The following CNOT3 variants were observed in gnomAD, a reference collection of about 807,000 sequenced individuals.
The protein encoded by CNOT3 is CCR4-associated factor 3.
A neutral mutation model predicts 89.4 loss-of-function variants in CNOT3; 2 were observed. The observed-to-expected ratio is 0.02, with a 90% CI of 0.01 to 0.07. The LOEUF (loss-of-function observed/expected upper bound fraction) is 0.07, where lower values mean the gene tolerates loss of function less well. CNOT3 is among the 10% of genes least tolerant of loss of function. CNOT3 has a pLI of 1.00. For synonymous variants in CNOT3, 486 were observed against 402.0 expected (o/e 1.21, Z -2.50); for missense variants, 664 against 1,010.2 (o/e 0.66, Z 4.65).
At chr19:54,153,156 A>G (rs2075222357) in intron 16 of CNOT3, 157 bp downstream of exon 16, 1 of 766,354 alleles carries the variant, frequency 1.3e-6, no homozygotes, top group Non-Finnish European at 2.4e-6. Context: ...CCCCAAATCC[A>G]CCTGTCCCCG....
At chr19:54,152,706 G>C in intron 15 of CNOT3, 80 bp downstream of exon 15, 1 of 1,265,260 alleles carries the variant, frequency 7.9e-7, no homozygotes. Context: ...TGAGGCTGTG[G>C]GTAGAGCACC....
intron 13 of CNOT3, 31 bp from the exon 14 acceptor site, chr19:54,152,195 G>A: frequency 6.2e-7 from 1 of 1,611,550 alleles, no homozygotes; most frequent in Non-Finnish European, 8.5e-7. Flanking sequence ...CAGCCCAAGT[G>A]CTCAGGCCAG....
chr19:54,140,542 G>C (rs1332003067), intron 1 of CNOT3, among the ~76,000 whole-genome samples: 15 of 152,122 alleles, frequency 9.9e-5, no homozygotes, highest in African/African-American at 3.6e-4. Flanking sequence ...TTGCTGGGGG[G>C]ACCAGAGGTA....
chr19:54,152,231 T>G lies in CNOT3; in HGVS notation c.1611T>G (p.Pro537=). ...GCCTCTTGTTTCCTCCCCAGGCCCC[T>G]GAGCCTCTGAGCTCCTTGAAGTCCA... is the stretch of plus-strand genomic sequence containing the variant. The part of the protein sequence containing the change: ...QFSTAPEIKA[P]EPLSSLKSMA... Residue 537 remains proline (P), a synonymous_variant, in exon 14 of 18, where the codon CCT becomes CCG. Transcript: ENST00000221232. 18 of 1,614,150 alleles carry G rather than the reference T, an allele frequency of 1.1e-5. No homozygotes were observed. The highest frequency in any genetic ancestry group is 1.5e-5 in the Non-Finnish European group (18 of 1,180,010).
intron 17 of CNOT3, chr19:54,154,103 C>T: frequency 1.5e-6 from 1 of 674,562 alleles, no homozygotes; most frequent in Admixed American, 2.1e-5. Context: ...AGCCACCCAG[C>T]CCAGTGCCTC....
At chr19:54,150,597 GCGCC>G (rs2075027251) in intron 13 of CNOT3, among the ~76,000 whole-genome samples, 2 of 108,226 alleles carry the variant, frequency 1.8e-5, no homozygotes, top group African/African-American at 3.7e-5. Flanking sequence ...GGCAGTGTGC[GCGCC>G]CAGGCTGTCC....
At chr19:54,147,284 C>T (rs1383563028) in intron 10 of CNOT3, among the ~76,000 whole-genome samples, 1 of 152,194 alleles carries the variant, frequency 6.6e-6, no homozygotes, top group Non-Finnish European at 1.5e-5. Flanking sequence ...GGGCCTGAGG[C>T]CCCTCTGTGG....
rs761121196 is a variant in CNOT3 at position 54,153,904 on chromosome 19, AGCCCCTGCTG to A, written c.2163+68_2163+77del. On this transcript the variant is annotated intron_variant, in intron 17 of 17. Transcript: ENST00000221232. Reference sequence around the variant, plus strand: ...GGGGTAGAGTCCCCAGGCTCCAGGCAGCCCCTGCTGGCCTCTGCTCCCTTGCCTCCACCTT... The same window carrying A: ...GGGGTAGAGTCCCCAGGCTCCAGGCAGCCTCTGCTCCCTTGCCTCCACCTT... 4 of 1,608,750 alleles carry A rather than the reference AGCCCCTGCTG, an allele frequency of 2.5e-6. No homozygotes were observed. In the East Asian group the frequency reaches 8.9e-5, roughly 36 times the overall value.
chr19:54,151,184 A>G (rs773330337), intron 13 of CNOT3, among the ~76,000 whole-genome samples: 48 of 152,326 alleles, frequency 3.2e-4, no homozygotes, highest in Non-Finnish European at 4.6e-4. Context: ...GAAGGGGTCC[A>G]TATCTTTTAA....
intron 1 of CNOT3, among the ~76,000 whole-genome samples, chr19:54,138,285 C>G (rs934548929): frequency 2.6e-5 from 4 of 152,194 alleles, no homozygotes; most frequent in Non-Finnish European, 5.9e-5. Context: ...CGCGTGGCAT[C>G]GCGTCGGGCC....
Position 54,144,250 on chromosome 19 carries a change from C to A in CNOT3, c.401C>A (p.Thr134Lys). 1 of 1,614,090 alleles carries A rather than the reference C, an allele frequency of 6.2e-7. No homozygotes were observed. ...VGQWLTNTID[T>K]LNMQVDQFES... ...TCCCTCCCCTAGAATACCATCGACA[C>A]GCTCAACATGCAGGTGGACCAGTTT... The change falls in exon 7 of 18, where the codon ACG becomes AAG. Residue 134 changes from threonine (T) to lysine (K), a missense_variant. Transcript: ENST00000221232. The surrounding 1 kb of genome is among the most constrained non-coding windows in gnomAD (Gnocchi z 4.8).
In CNOT3 at chr19:54,148,541, T is replaced by C; in HGVS notation, c.1282+6T>C. The C allele has an allele frequency of 1.3e-6, 2 of 1,557,052 alleles. No homozygotes were observed. Among genetic ancestry groups the C allele is most frequent in the Non-Finnish European group, 1.7e-6 (2 of 1,145,230 alleles). On this transcript the variant is annotated splice_donor_region_variant and intron_variant, in intron 11 of 17. Coordinates refer to ENST00000221232, the MANE Select transcript of CNOT3 (RefSeq NM_014516.4). The surrounding 1 kb of genome is among the most constrained non-coding windows in gnomAD (Gnocchi z 6.3). The stretch of plus-strand genomic sequence containing the variant: ...CAAGCAGAATGGCGCCACCAGTGAG[T>C]GAGGAGGCAGCGGGGTGGGGGGCGT...
Position 54,155,536 on chromosome 19 carries a change from G to A in CNOT3, c.*129G>A. The A allele has an allele frequency of 1.1e-6, 1 of 909,456 alleles. No homozygotes were observed. 56.3% of individuals were successfully genotyped at this position (909,456 alleles called of 1,614,324 possible). On this transcript the variant is annotated 3_prime_UTR_variant, in exon 18 of 18. Coordinates refer to ENST00000221232, the MANE Select transcript of CNOT3 (RefSeq NM_014516.4). ...GCATCCCCCTCTCCCAGGAAGCAGG[G>A]AGGGGGCCGGGAGGTTTTCCTCTCA...
In CNOT3 at chr19:54,153,951, A is replaced by G. The variant is rs1296516908; in HGVS notation, c.2163+111A>G. ...CTTGCCTCCACCTTTCAGCTGGCGCAGTCCCTCAGCCTGACCAAGTACTCC... is the reference window on the plus strand; with the variant it reads ...CTTGCCTCCACCTTTCAGCTGGCGCGGTCCCTCAGCCTGACCAAGTACTCC... On this transcript the variant is annotated intron_variant, in intron 17 of 17. Transcript: ENST00000221232. The G allele has an allele frequency of 2.9e-6, 4 of 1,400,770 alleles. No homozygotes were observed. In the Admixed American group the frequency reaches 5.1e-5, roughly 18 times the overall value. 86.8% of individuals were successfully genotyped at this position (1,400,770 alleles called of 1,614,324 possible). A position where few individuals can be genotyped will look rare whatever the true frequency, so the allele number is the denominator to read the frequency against.
At position 54,148,222 on chromosome 19, in the gene CNOT3, C is replaced by T. The variant is rs2074792012; in HGVS notation, c.969C>T (p.Tyr323=). 6.3e-7 allele frequency: 1 copy of T among 1,595,222 alleles called. No homozygotes were observed. The highest frequency in any genetic ancestry group is 8.5e-7 in the Non-Finnish European group (1 of 1,170,478). Residue 323 remains tyrosine, a synonymous_variant, in exon 11 of 18, where the codon TAC becomes TAT. Coordinates refer to ENST00000221232, the MANE Select transcript of CNOT3 (RefSeq NM_014516.4). This position sits in a 1 kb window ranked among gnomAD's most constrained non-coding sequence, Gnocchi z 6.3. The part of the protein sequence containing the change: ...HPQSPAVPPT[Y]PSGPPPAASA... Reference sequence around the variant, plus strand: ...AGTCCCCAGCTGTGCCGCCCACCTACCCCTCCGGCCCCCCGCCTGCTGCCT... The same window carrying T: ...AGTCCCCAGCTGTGCCGCCCACCTATCCCTCCGGCCCCCCGCCTGCTGCCT...
At position 54,144,323 on chromosome 19, in the gene CNOT3, C is replaced by T. The variant is rs139874376; in HGVS notation, c.474C>T (p.Gly158=). Residue 158 remains glycine, a synonymous_variant, in exon 7 of 18, where the codon GGC becomes GGT. Transcript: ENST00000221232. This position sits in a 1 kb window ranked among gnomAD's most constrained non-coding sequence, Gnocchi z 4.8. The part of the protein sequence containing the change: ...SLSVQTRKKK[G]DKDKQDRIEG... The stretch of plus-strand genomic sequence containing the variant: ...CAGTGCAGACACGCAAGAAGAAGGG[C>T]GACAAGGATGTGAGTGAGGGAGACC... The T allele has an allele frequency of 2.0e-4, 325 of 1,613,054 alleles. 1 individual carries two copies. The Middle Eastern group carries it at 2.7e-3, about 13-fold the overall frequency.
In CNOT3 at chr19:54,144,425, G is replaced by T; in HGVS notation, c.483+93G>T. ...CCAGTCATTTATGCTCCTGGGAGTT[G>T]GGGCCTGGATTCCTCAGGCGGACAG... On this transcript the variant is annotated intron_variant, in intron 7 of 17. Transcript: ENST00000221232. This position sits in a 1 kb window ranked among gnomAD's most constrained non-coding sequence, Gnocchi z 4.8. 1 of 938,072 alleles carries T rather than the reference G, an allele frequency of 1.1e-6. No homozygotes were observed. The highest frequency in any genetic ancestry group is 1.7e-6 in the Non-Finnish European group (1 of 586,596). The allele number at this position is 938,072 out of a possible 1,614,324, so 58.1% of individuals were successfully genotyped here.
At position 54,143,060 on chromosome 19, in the gene CNOT3, G is replaced by A. The variant is rs1174117734; in HGVS notation, c.25+57G>A. On this transcript the variant is annotated intron_variant, in intron 2 of 17. Coordinates refer to ENST00000221232, the MANE Select transcript of CNOT3 (RefSeq NM_014516.4). The stretch of plus-strand genomic sequence containing the variant: ...CCACATGCTCCCTCTTCTGAGGACT[G>A]CTCTTTAGATACCTGCCACCTGGGC... 5.6e-6 allele frequency: 9 copies of A among 1,612,338 alleles called. No individual in the cohort carries two copies. The African/African-American group carries it at 1.1e-4, about 19-fold the overall frequency.
chr19:54,150,598 C>T (rs1298683480), intron 13 of CNOT3, among the ~76,000 whole-genome samples: 4 of 108,268 alleles, frequency 3.7e-5, no homozygotes, highest in East Asian at 2.3e-4. Context: ...GCAGTGTGCG[C>T]GCCCAGGCTG....
Sources: gnomAD v4.1 joint callset for allele counts (sites outside exome capture counted in the v4.1 genomes callset) on GRCh38, gnomAD v4.1.1 for gene constraint, Gnocchi (gnomAD v3.1) non-coding constraint, MANE v1.5 for transcripts, NCBI Gene and HGNC (gene_info 2026-07-23, HGNC 2026-07-21) for gene names.